Variants in RIT2 observed in about 807,000 individuals in gnomAD.
The protein encoded by RIT2 is Ras like without CAAX 2.
In RIT2, 24 loss-of-function variants were observed where a neutral mutation model predicts 23.7. The ratio of observed to expected loss-of-function variants is 1.01; its 90% confidence interval spans 0.73 to 1.43. The LOEUF is 1.43. Among genes scored for constraint, RIT2 ranks in the 40% most tolerant of loss-of-function variants. The pLI, the probability that RIT2 is intolerant of heterozygous loss-of-function variation, is 0.00. For synonymous variants in RIT2, 107 were observed against 91.1 expected (o/e 1.17, Z -0.99); for missense variants, 236 against 266.9 (o/e 0.88, Z 0.81).
chr18:43,069,464 T>G (rs1912850138), intron 1 of RIT2, among the ~76,000 whole-genome samples: 1 of 152,158 alleles, frequency 6.6e-6, no homozygotes, highest in African/African-American at 2.4e-5. Flanking sequence ...TAAGTCTTCT[T>G]GTTATCTCTA....
chr18:42,791,732 A>T (rs1233587775), intron 4 of RIT2, among the ~76,000 whole-genome samples: 1 of 152,134 alleles, frequency 6.6e-6, no homozygotes, highest in East Asian at 1.9e-4. Flanking sequence ...CTGTTCTTTT[A>T]ATCTATTCCT....
intron 2 of RIT2, among the ~76,000 whole-genome samples, chr18:43,022,544 A>T (rs1426361195): frequency 6.6e-6 from 1 of 152,104 alleles, no homozygotes; most frequent in Non-Finnish European, 1.5e-5. Context: ...CTCTACATGT[A>T]ACAAGACATC....
At chr18:42,948,209 A>C (rs1000993308) in intron 3 of RIT2, among the ~76,000 whole-genome samples, 15 of 152,150 alleles carry the variant, frequency 9.9e-5, no homozygotes, top group Admixed American at 9.2e-4. Context: ...GAGGAATGGA[A>C]AACAAGAAGT....
intron 3 of RIT2, among the ~76,000 whole-genome samples, chr18:42,956,005 T>C (rs899711171): frequency 1.3e-5 from 2 of 152,150 alleles, no homozygotes; most frequent in Non-Finnish European, 2.9e-5. Flanking sequence ...GTTTTCAAGG[T>C]TTATCACCTC....
chr18:42,834,359 C>T (rs1002858021), intron 4 of RIT2, among the ~76,000 whole-genome samples: 8 of 152,114 alleles, frequency 5.3e-5, no homozygotes, highest in Admixed American at 4.6e-4. Context: ...CTCCAAGAGA[C>T]TTTATTTTCT....
intron 3 of RIT2, among the ~76,000 whole-genome samples, chr18:42,947,967 TTATATC>T (rs1193716630): frequency 4.9e-4 from 75 of 152,246 alleles, no homozygotes; most frequent in African/African-American, 1.3e-3. Context: ...TTATACATAT[TTATATC>T]TATGTATGTA....
At chr18:42,762,642 T>C (rs1178918641) in intron 4 of RIT2, among the ~76,000 whole-genome samples, 1 of 152,174 alleles carries the variant, frequency 6.6e-6, no homozygotes, top group Non-Finnish European at 1.5e-5. Context: ...TCTCAATTTT[T>C]AAAAATTATT....
intron 2 of RIT2, among the ~76,000 whole-genome samples, chr18:42,989,779 C>T (rs977936824): frequency 6.6e-6 from 1 of 152,110 alleles, no homozygotes; most frequent in Non-Finnish European, 1.5e-5. Context: ...CTCTTCGTGG[C>T]CTTTTTGATT....
At chr18:42,799,699 A>G (rs1048332196) in intron 4 of RIT2, among the ~76,000 whole-genome samples, 6 of 152,208 alleles carry the variant, frequency 3.9e-5, no homozygotes, top group African/African-American at 1.2e-4. Flanking sequence ...AGTTTCATCT[A>G]AGAACATGCT....
At chr18:43,093,502 C>T (rs1284804513) in intron 1 of RIT2, among the ~76,000 whole-genome samples, 1 of 148,872 alleles carries the variant, frequency 6.7e-6, no homozygotes, top group Non-Finnish European at 1.5e-5. Context: ...ATTTATTCCC[C>T]CTTTGTTTTT....
chr18:42,870,782 T>A (rs920594974), intron 4 of RIT2, among the ~76,000 whole-genome samples: 3 of 152,036 alleles, frequency 2.0e-5, no homozygotes, highest in South Asian at 2.1e-4. Flanking sequence ...AAAAAAAAAA[T>A]TTCTTTGATA....
intron 4 of RIT2, among the ~76,000 whole-genome samples, chr18:42,888,861 A>G (rs1304723356): frequency 6.6e-6 from 1 of 152,128 alleles, no homozygotes; most frequent in East Asian, 1.9e-4. Context: ...CTAAACACTG[A>G]GCACATGTGG....
At chr18:42,826,269 T>C (rs1259646837) in intron 4 of RIT2, among the ~76,000 whole-genome samples, 1 of 152,044 alleles carries the variant, frequency 6.6e-6, no homozygotes, top group Non-Finnish European at 1.5e-5. Context: ...CTGAAGCAGG[T>C]AGATGTTAAG....
rs151229923 is a variant in RIT2 at position 43,088,816 on chromosome 18, T to C, written c.103+26601A>G. ...GGGACCTTATTGGAACATATCTATG[T>C]TCAATGTTCTCCTTTATGCAATATT... On this transcript the variant is annotated intron_variant, in intron 1 of 4. Coordinates refer to ENST00000326695, the MANE Select transcript of RIT2 (RefSeq NM_002930.4). Among the ~76,000 whole-genome samples, 360 of 152,178 alleles carry C rather than the reference T, an allele frequency of 2.4e-3. 1 individual carries two copies. The highest frequency in any genetic ancestry group is 8.3e-3 in the African/African-American group (344 of 41,548).
Position 42,974,166 on chromosome 18 carries a change from C to T in RIT2, c.161-19G>A, listed in dbSNP as rs111425303. ...GCATCTTCTGAAAAACACAAGACAA[C>T]ATTTACATTTAAATGTGACAGGAAA... On this transcript the variant is annotated intron_variant, in intron 2 of 4. Transcript: ENST00000326695. The T allele has an allele frequency of 4.5e-6, 7 of 1,556,040 alleles. No individual in the cohort carries two copies. Among genetic ancestry groups the T allele is most frequent in the African/African-American group, 2.7e-5 (2 of 73,686 alleles).
At chr18:43,067,859 T>G (rs1912806098) in intron 1 of RIT2, among the ~76,000 whole-genome samples, 1 of 152,084 alleles carries the variant, frequency 6.6e-6, no homozygotes, top group Non-Finnish European at 1.5e-5. Flanking sequence ...AACTTTGGGG[T>G]GCCCCTAGCT....
At chr18:42,988,540 G>T (rs999400755) in intron 2 of RIT2, among the ~76,000 whole-genome samples, 25 of 151,740 alleles carry the variant, frequency 1.6e-4, no homozygotes, top group African/African-American at 5.3e-4. Flanking sequence ...TTTCTCATTG[G>T]CCTGGCATGA....
At chr18:42,822,757 A>G (rs548696059) in intron 4 of RIT2, among the ~76,000 whole-genome samples, 1 of 152,304 alleles carries the variant, frequency 6.6e-6, no homozygotes, top group South Asian at 2.1e-4. Context: ...GAAACCACAC[A>G]AAAATGCATA....
chr18:42,938,354 A>G (rs1280229775), intron 3 of RIT2, among the ~76,000 whole-genome samples: 3 of 152,204 alleles, frequency 2.0e-5, no homozygotes, highest in Admixed American at 2.0e-4. Context: ...ATCTATTTCA[A>G]GAAATTTTGA....
Sources: allele counts gnomAD v4.1 joint callset (sites outside exome capture counted in the v4.1 genomes callset), GRCh38; gene constraint gnomAD v4.1.1; transcripts MANE v1.5; gene names NCBI Gene and HGNC (gene_info 2026-07-23, HGNC 2026-07-21).